Variants in FGF7 observed in about 807,000 individuals in gnomAD.
FGF7 encodes the protein fibroblast growth factor 7.
In FGF7, 6 loss-of-function variants were observed where a neutral mutation model predicts 20.5. The observed-to-expected ratio is 0.29, with a 90% CI of 0.16 to 0.58. FGF7 has a LOEUF of 0.58. FGF7 is among the 20% of genes least tolerant of loss of function. The pLI is 0.90. For missense variants in FGF7, 144 were observed against 228.8 expected (o/e 0.63, Z 2.39); for synonymous variants, 64 against 74.7 (o/e 0.86, Z 0.74).
chr15:49,430,331 T>G (rs1268920119), intron 2 of FGF7, among the ~76,000 whole-genome samples: 1 of 151,850 alleles, frequency 6.6e-6, no homozygotes, highest in Non-Finnish European at 1.5e-5. Context: ...CCTCAATGTC[T>G]GCTTATTCTG....
intron 2 of FGF7, among the ~76,000 whole-genome samples, chr15:49,450,027 G>GT (rs749065680): frequency 1.3e-5 from 2 of 152,086 alleles, no homozygotes; most frequent in Non-Finnish European, 2.9e-5. Flanking sequence ...GCATGAGCCC[G>GT]TAAGGAATGG....
At position 49,484,769 on chromosome 15, in the gene FGF7, TGTTA is replaced by T; in HGVS notation, c.*268_*271del. 3.4e-6 allele frequency: 1 copy of T among 295,516 alleles called. No homozygotes were observed. Among genetic ancestry groups the T allele is most frequent in the Non-Finnish European group, 6.2e-6 (1 of 161,856 alleles). 18.3% of individuals were successfully genotyped at this position (295,516 alleles called of 1,614,324 possible). ...TGTAAAACTGGTTGTACAATCATGA[TGTTA>T]GTAACAGTAATTTTTTTCTTAAATT... On this transcript the variant is annotated 3_prime_UTR_variant, in exon 4 of 4. Coordinates refer to ENST00000267843, the MANE Select transcript of FGF7 (RefSeq NM_002009.4).
chr15:49,475,825 T>C (rs1047794664), intron 2 of FGF7, among the ~76,000 whole-genome samples: 15 of 152,086 alleles, frequency 9.9e-5, no homozygotes, highest in Non-Finnish European at 1.3e-4. Context: ...GGGTCTCTAC[T>C]AAAATTACAA....
At chr15:49,446,543 G>T (rs2052231457) in intron 2 of FGF7, among the ~76,000 whole-genome samples, 1 of 151,452 alleles carries the variant, frequency 6.6e-6, no homozygotes, top group South Asian at 2.1e-4. Context: ...CCTGGTAAAG[G>T]TGCATTTGCT....
chr15:49,449,285 A>G (rs1434982096), intron 2 of FGF7, among the ~76,000 whole-genome samples: 1 of 152,082 alleles, frequency 6.6e-6, no homozygotes, highest in Non-Finnish European at 1.5e-5. Flanking sequence ...CATGAAATCA[A>G]TCTAAAATAA....
At chr15:49,453,332 G>A (rs2052953003) in intron 2 of FGF7, among the ~76,000 whole-genome samples, 1 of 152,046 alleles carries the variant, frequency 6.6e-6, no homozygotes, top group South Asian at 2.1e-4. Context: ...TCAAATGCCT[G>A]AGCTCAAGCC....
chr15:49,435,941 CT>C (rs2151811607), intron 2 of FGF7, among the ~76,000 whole-genome samples: 1 of 151,438 alleles, frequency 6.6e-6, no homozygotes, highest in South Asian at 2.1e-4. Context: ...AATGTTAATT[CT>C]TTAAAAATAC....
At chr15:49,430,210 G>A (rs1468093637) in intron 2 of FGF7, among the ~76,000 whole-genome samples, 2 of 151,930 alleles carry the variant, frequency 1.3e-5, no homozygotes, top group Non-Finnish European at 2.9e-5. Context: ...TGGTGAATGA[G>A]TTAGCTGCAG....
chr15:49,470,815 G>C (rs1016294804), intron 2 of FGF7, among the ~76,000 whole-genome samples: 1 of 152,156 alleles, frequency 6.6e-6, no homozygotes, highest in Admixed American at 6.5e-5. Flanking sequence ...CTTTCTAGAA[G>C]ATCAATGAAG....
intron 2 of FGF7, among the ~76,000 whole-genome samples, chr15:49,456,200 G>A (rs1597317820): frequency 6.6e-6 from 1 of 151,890 alleles, no homozygotes; most frequent in Non-Finnish European, 1.5e-5. Context: ...TAATTCTTTA[G>A]AATTTCATTT....
At chr15:49,479,206 TA>T in intron 2 of FGF7, among the ~76,000 whole-genome samples, 1 of 152,062 alleles carries the variant, frequency 6.6e-6, no homozygotes, top group Non-Finnish European at 1.5e-5. Flanking sequence ...GTGCTTGACA[TA>T]TTGCCTGGTT....
chr15:49,453,056 G>A (rs2052916666), intron 2 of FGF7, among the ~76,000 whole-genome samples: 1 of 151,878 alleles, frequency 6.6e-6, no homozygotes, highest in African/African-American at 2.4e-5. Context: ...TCTTACCACT[G>A]TGGAAATGTA....
At chr15:49,427,964 A>G (rs1331047810) in intron 2 of FGF7, among the ~76,000 whole-genome samples, 1 of 152,020 alleles carries the variant, frequency 6.6e-6, no homozygotes, top group African/African-American at 2.4e-5. Context: ...CTTTAGTCTT[A>G]CCTTAATTAC....
intron 2 of FGF7, among the ~76,000 whole-genome samples, chr15:49,428,743 A>G (rs970687184): frequency 6.6e-6 from 1 of 152,002 alleles, no homozygotes; most frequent in Non-Finnish European, 1.5e-5. Flanking sequence ...AGTCAATATC[A>G]TCTACTCCTT....
At chr15:49,448,205 C>T (rs1020502848) in intron 2 of FGF7, among the ~76,000 whole-genome samples, 4 of 151,590 alleles carry the variant, frequency 2.6e-5, no homozygotes, top group Non-Finnish European at 1.5e-5. Context: ...TTCTTTTCAA[C>T]CTTCTCCCTA....
intron 2 of FGF7, among the ~76,000 whole-genome samples, chr15:49,471,643 T>C (rs1338880705): frequency 6.6e-6 from 1 of 152,078 alleles, no homozygotes; most frequent in Non-Finnish European, 1.5e-5. Flanking sequence ...AAGTTATGAT[T>C]TTCTAATCAA....
chr15:49,424,828 T>C, intron 2 of FGF7: 2 of 295,176 alleles, frequency 6.8e-6, no homozygotes, highest in Non-Finnish European at 1.3e-5. Flanking sequence ...ATACTCCTTG[T>C]CCTGAAAATG....
At chr15:49,440,648 C>T (rs1597207979) in intron 2 of FGF7, among the ~76,000 whole-genome samples, 1 of 151,658 alleles carries the variant, frequency 6.6e-6, no homozygotes. Flanking sequence ...ATTTGTCAGG[C>T]ACAGTGCTTG....
At chr15:49,481,729 A>C (rs1597476013) in intron 2 of FGF7, among the ~76,000 whole-genome samples, 1 of 152,188 alleles carries the variant, frequency 6.6e-6, no homozygotes, top group East Asian at 1.9e-4. Context: ...ATGCATTGTG[A>C]TAATGCTTAA....
Sources: allele counts gnomAD v4.1 joint callset (sites outside exome capture counted in the v4.1 genomes callset), GRCh38; gene constraint gnomAD v4.1.1; transcripts MANE v1.5; gene names NCBI Gene and HGNC (gene_info 2026-07-23, HGNC 2026-07-21).